Variants in RASGRF1 observed in about 807,000 individuals in gnomAD.
The protein encoded by RASGRF1 is ras-specific guanine nucleotide-releasing factor 1.
In RASGRF1, 40 loss-of-function variants were observed where a neutral mutation model predicts 138.7. The observed-to-expected ratio is 0.29, with a 90% CI of 0.22 to 0.38. The LOEUF (loss-of-function observed/expected upper bound fraction) is 0.38, where lower values mean the gene tolerates loss of function less well. Ranked by LOEUF, RASGRF1 falls within the 10% of genes least tolerant of loss-of-function variation. The pLI is 1.00. For synonymous variants in RASGRF1, 614 were observed against 663.2 expected (o/e 0.93, Z 1.14); for missense variants, 1,108 against 1,650.4 (o/e 0.67, Z 5.69).
chr15:78,995,679 G>T, intron 20 of RASGRF1, 61 bp downstream of exon 20: 1 of 1,575,754 alleles, frequency 6.3e-7, no homozygotes, highest in Non-Finnish European at 8.7e-7. Flanking sequence ...ATGGGTCAGG[G>T]GTCCTGGGCA....
chr15:79,070,675 G>C (rs961939052), intron 1 of RASGRF1, among the ~76,000 whole-genome samples: 2 of 152,166 alleles, frequency 1.3e-5, no homozygotes, highest in Admixed American at 1.3e-4. Context: ...CATGATTGTT[G>C]TGAGAGTCAA....
intron 17 of RASGRF1, 53 bp from the exon 18 acceptor site, chr15:78,998,878 A>C: frequency 7.0e-7 from 1 of 1,428,956 alleles, no homozygotes; most frequent in South Asian, 1.1e-5. Flanking sequence ...CAAGAAACAG[A>C]GCTTGACACT....
chr15:78,998,707 G>T lies in RASGRF1; in HGVS notation c.2853+12C>A. 3 of 1,606,272 alleles carry T rather than the reference G, an allele frequency of 1.9e-6. No homozygotes were observed. Among genetic ancestry groups the T allele is most frequent in the Non-Finnish European group, 2.6e-6 (3 of 1,173,064 alleles). On this transcript the variant is annotated intron_variant, in intron 18 of 26. Transcript: ENST00000558480. ...GTCCCCAGCAGCCTGCCCAGGGAGG[G>T]CTCCCACCCACCTGAGAGTGCTTGG...
Position 79,068,043 on chromosome 15 carries a change from GTGAC to G in RASGRF1, c.277-3521_277-3518del, listed in dbSNP as rs913892937. ...GTGGTGTGGGGAAAAAAAAGGGAAA[GTGAC>G]TGATTTTGTGAGGCCCTGCTGTGTG... On this transcript the variant is annotated intron_variant, in intron 1 of 26. Transcript: ENST00000558480. Among the ~76,000 whole-genome samples the G allele has an allele frequency of 1.7e-4, 26 of 152,176 alleles. 1 individual carries two copies. The highest frequency in any genetic ancestry group is 6.3e-4 in the African/African-American group (26 of 41,438).
intron 16 of RASGRF1, among the ~76,000 whole-genome samples, chr15:79,000,546 G>C (rs148520769): frequency 4.6e-5 from 7 of 152,276 alleles, no homozygotes; most frequent in Middle Eastern, 3.4e-3. Flanking sequence ...AAAGTACTTT[G>C]TGTTAGGTGA....
At chr15:79,086,997 C>G (rs1354489799) in intron 1 of RASGRF1, among the ~76,000 whole-genome samples, 1 of 152,172 alleles carries the variant, frequency 6.6e-6, no homozygotes, top group Non-Finnish European at 1.5e-5. Flanking sequence ...TTGCAGCTGC[C>G]AGATGGAATA....
At chr15:79,078,147 G>GTGTGTGTGTGTGTGTGCGCATGTGTC (rs149304846) in intron 1 of RASGRF1, among the ~76,000 whole-genome samples, 3 of 149,860 alleles carry the variant, frequency 2.0e-5, no homozygotes, top group Non-Finnish European at 4.5e-5. Flanking sequence ...GTGTGTGTGT[G>GTGTGTGTGTGTGTGTGCGCATGTGTC]TGTGTGCATG....
chr15:79,005,180 C>T (rs1332058914), intron 14 of RASGRF1: 12 of 985,470 alleles, frequency 1.2e-5, no homozygotes, highest in African/African-American at 1.7e-5. Context: ...GTACCCTGCC[C>T]CAGTGAGGCC....
chr15:79,020,471 C>T (rs973350203), intron 10 of RASGRF1, among the ~76,000 whole-genome samples: 1 of 152,188 alleles, frequency 6.6e-6, no homozygotes, highest in Non-Finnish European at 1.5e-5. Context: ...TGAAATCCCC[C>T]GTTTTAGGCC....
intron 26 of RASGRF1, among the ~76,000 whole-genome samples, chr15:78,966,725 T>G (rs1303491243): frequency 6.6e-6 from 1 of 152,066 alleles, no homozygotes; most frequent in African/African-American, 2.4e-5. Flanking sequence ...CAGGCCTGGC[T>G]CTCTAGAGAT....
chr15:78,997,723 C>T (rs1428705136), intron 19 of RASGRF1, among the ~76,000 whole-genome samples: 5 of 119,138 alleles, frequency 4.2e-5, no homozygotes, highest in South Asian at 2.8e-4. Context: ...GTGACAAGAG[C>T]GAGACTTCGC....
chr15:79,090,180 G>T, intron 1 of RASGRF1, 43 bp downstream of exon 1: 3 of 1,540,114 alleles, frequency 1.9e-6, no homozygotes, highest in South Asian at 2.4e-5. Context: ...CCCCAGGGCC[G>T]CGGCCGGGAC....
Position 79,032,511 on chromosome 15 carries a change from A to G in RASGRF1, c.959-195T>C, listed in dbSNP as rs879233718. 2.6e-5 allele frequency among the ~76,000 whole-genome samples: 4 copies of G among 152,196 alleles called. No individual in the cohort carries two copies. The South Asian group carries it at 8.3e-4, about 31-fold the overall frequency. On this transcript the variant is annotated intron_variant, in intron 6 of 26. Coordinates refer to ENST00000558480, the MANE Select transcript of RASGRF1 (RefSeq NM_001145648.3). This position sits in a 1 kb window ranked among gnomAD's most constrained non-coding sequence, Gnocchi z 4.5. Reference sequence around the variant, plus strand: ...CAGTGCTAGTAGGTGGGCCCCCATCATTGGGACCACATTAGAATCACAGAC... The same window carrying G: ...CAGTGCTAGTAGGTGGGCCCCCATCGTTGGGACCACATTAGAATCACAGAC...
At chr15:79,081,769 C>T (rs1303148244) in intron 1 of RASGRF1, among the ~76,000 whole-genome samples, 1 of 152,188 alleles carries the variant, frequency 6.6e-6, no homozygotes, top group African/African-American at 2.4e-5. Context: ...CCCATCCTCC[C>T]AGTGCCAGGG....
chr15:79,049,631 A>G (rs1037705588), intron 3 of RASGRF1, 43 bp from the exon 4 acceptor site: 1 of 1,558,472 alleles, frequency 6.4e-7, no homozygotes, highest in Non-Finnish European at 8.8e-7. Flanking sequence ...GCGCTGGCTC[A>G]CAGAGGCCCC....
Position 79,014,356 on chromosome 15 carries a change from A to G in RASGRF1, c.1826+971T>C, listed in dbSNP as rs990730813. On this transcript the variant is annotated intron_variant, in intron 13 of 26. Coordinates refer to ENST00000558480, the MANE Select transcript of RASGRF1 (RefSeq NM_001145648.3). Reference sequence around the variant, plus strand: ...AACTAACCCAAATGTCCATCAATCAATGAGTGGATAAAGAAATTGTGTTAT... The same window carrying G: ...AACTAACCCAAATGTCCATCAATCAGTGAGTGGATAAAGAAATTGTGTTAT... Among the ~76,000 whole-genome samples the G allele has an allele frequency of 3.3e-5, 5 of 152,252 alleles. No homozygotes were observed. In the South Asian group the frequency reaches 8.3e-4, roughly 25 times the overall value.
chr15:78,988,455 C>T (rs137949931), intron 22 of RASGRF1, among the ~76,000 whole-genome samples: 14 of 152,304 alleles, frequency 9.2e-5, no homozygotes, highest in African/African-American at 3.1e-4. Context: ...CTGAGAGGCA[C>T]ACGAGTCTCC....
In RASGRF1 at chr15:79,050,609, G is replaced by C. The variant is rs145840912; in HGVS notation, c.532-1021C>G. ...AGTGGAGCAGCTCTTCAAATATCTA[G>C]CTGCTCTAAACATCTCCATTTGCAT... is the stretch of plus-strand genomic sequence containing the variant. On this transcript the variant is annotated intron_variant, in intron 3 of 26. Coordinates refer to ENST00000558480, the MANE Select transcript of RASGRF1 (RefSeq NM_001145648.3). The surrounding 1 kb of genome is among the most constrained non-coding windows in gnomAD (Gnocchi z 4.1). Among the ~76,000 whole-genome samples, 2 of 152,260 alleles carry C rather than the reference G, an allele frequency of 1.3e-5. No individual in the cohort carries two copies. The highest frequency in any genetic ancestry group is 2.9e-5 in the Non-Finnish European group (2 of 68,026).
At chr15:79,058,962 T>C (rs2057547547) in intron 2 of RASGRF1, among the ~76,000 whole-genome samples, 1 of 152,198 alleles carries the variant, frequency 6.6e-6, no homozygotes, top group South Asian at 2.1e-4. Context: ...CCTCACCCCA[T>C]GGGTGTGAAA....
Sources: allele counts gnomAD v4.1 joint callset (sites outside exome capture counted in the v4.1 genomes callset), GRCh38; gene constraint gnomAD v4.1.1; non-coding constraint Gnocchi (gnomAD v3.1); transcripts MANE v1.5; gene names NCBI Gene and HGNC (gene_info 2026-07-23, HGNC 2026-07-21).